FOXJ3: variants seen among roughly 807,000 people sequenced by gnomAD.
FOXJ3 encodes forkhead box J3.
In FOXJ3, 22 loss-of-function variants were observed where a neutral mutation model predicts 76.1. That is an observed-to-expected ratio of 0.29 (90% CI 0.21 to 0.41). The LOEUF (loss-of-function observed/expected upper bound fraction) is 0.41. Ranked by LOEUF, FOXJ3 falls within the 10% of genes least tolerant of loss-of-function variation. The pLI, the probability that FOXJ3 is intolerant of heterozygous loss-of-function variation, is 1.00. For synonymous variants in FOXJ3, 269 were observed against 261.2 expected, an observed-to-expected ratio of 1.03 and a Z score of -0.29; for missense variants, 613 against 762.1, an observed-to-expected ratio of 0.80 and a Z score of 2.30.
At position 42,188,865 on chromosome 1, in the gene FOXJ3, G is replaced by A. The variant is rs764603974; in HGVS notation, c.1517C>T (p.Ala506Val). Residue 506 changes from alanine (A) to valine (V), a missense_variant, in exon 11 of 13, where the codon GCC becomes GTC. Ala to Val is a moderately conservative substitution (Grantham distance 64, BLOSUM62 0). This residue lies in a region of FOXJ3 where 526 missense variants were observed against 601.4 expected (regional missense o/e 0.87). Transcript: ENST00000361346. ...CTGATTAAGAGAAGAACAAAGATCG[G>A]CAAACTGAACCTGGTCTAAAGACCA... is the stretch of plus-strand genomic sequence containing the variant. ...KNWSLDQVQF[A>V]DLCSSLNQFF... 1.2e-6 allele frequency: 2 copies of A among 1,612,924 alleles called. No individual in the cohort carries two copies. The highest frequency in any genetic ancestry group is 1.1e-5 in the South Asian group (1 of 91,000).
chr1:42,180,615 T>A (rs568931551), intron 12 of FOXJ3, among the ~76,000 whole-genome samples: 1 of 152,348 alleles, frequency 6.6e-6, no homozygotes, highest in African/African-American at 2.4e-5. Context: ...AAATTTCAAG[T>A]AGTCTGCTAC....
intron 2 of FOXJ3, among the ~76,000 whole-genome samples, chr1:42,285,546 A>C (rs1367632860): frequency 6.6e-6 from 1 of 152,192 alleles, no homozygotes; most frequent in East Asian, 1.9e-4. Flanking sequence ...AAAGTCTCTT[A>C]AGTTTCTAAA....
rs1647709739 is a variant in FOXJ3, at chr1:42,227,941, T to C, written c.470A>G (p.Asn157Ser). Reference protein sequence around the residue: ...GKGSYWAIDTNPKEDVLPTRP... With the variant: ...GKGSYWAIDTSPKEDVLPTRP... The stretch of plus-strand genomic sequence containing the variant: ...AGTAGGCAGCACATCTTCCTTCGGA[T>C]TGGTGTCTATTGCCCAGTAGGACCC... Residue 157 changes from asparagine (N) to serine (S), a missense_variant, in exon 5 of 13, where the codon AAT (asparagine) becomes AGT (serine). This residue lies in a region of FOXJ3 where 526 missense variants were observed against 601.4 expected (regional missense o/e 0.87). Transcript: ENST00000361346. The C allele has an allele frequency of 1.3e-6, 2 of 1,571,600 alleles. No individual in the cohort carries two copies. The highest frequency in any genetic ancestry group is 1.3e-5 in the African/African-American group (1 of 74,650).
intron 8 of FOXJ3, among the ~76,000 whole-genome samples, chr1:42,194,430 G>A (rs1033795471): frequency 1.3e-5 from 2 of 152,184 alleles, no homozygotes; most frequent in African/African-American, 4.8e-5. Flanking sequence ...AGTAGCTGAT[G>A]TATTCACTTC....
intron 2 of FOXJ3, among the ~76,000 whole-genome samples, chr1:42,301,345 G>A (rs1288863178): frequency 1.3e-5 from 2 of 151,794 alleles, no homozygotes; most frequent in Non-Finnish European, 2.9e-5. Context: ...ACAGTCACAC[G>A]CCACAATGCC....
At chr1:42,205,981 T>C in intron 5 of FOXJ3, 118 bp from the exon 6 acceptor site, 2 of 620,572 alleles carry the variant, frequency 3.2e-6, no homozygotes, top group South Asian at 4.4e-5. Context: ...TTTCTGAAAA[T>C]GAATTTAAAT....
At chr1:42,290,427 T>C (rs1018097199) in intron 2 of FOXJ3, among the ~76,000 whole-genome samples, 1 of 152,076 alleles carries the variant, frequency 6.6e-6, no homozygotes, top group Admixed American at 6.5e-5. Flanking sequence ...ATTCCATGCA[T>C]GGTATGAAAA....
chr1:42,237,409 T>TAC (rs1648749605), intron 4 of FOXJ3, among the ~76,000 whole-genome samples: 2 of 19,588 alleles, frequency 1.0e-4, no homozygotes, highest in African/African-American at 1.9e-4. Context: ...TACATACATA[T>TAC]ATATATATAT....
chr1:42,255,855 T>C (rs1315135393), intron 4 of FOXJ3, among the ~76,000 whole-genome samples: 5 of 152,080 alleles, frequency 3.3e-5, no homozygotes, highest in African/African-American at 1.2e-4. Flanking sequence ...ACCCCGTCTC[T>C]ACTAAAAAAT....
At chr1:42,310,023 ATAT>A (rs1354463604) in intron 2 of FOXJ3, among the ~76,000 whole-genome samples, 1 of 152,214 alleles carries the variant, frequency 6.6e-6, no homozygotes, top group Non-Finnish European at 1.5e-5. Flanking sequence ...AGAAATCTAG[ATAT>A]TATGTTTTTA....
intron 2 of FOXJ3, among the ~76,000 whole-genome samples, chr1:42,295,511 A>G (rs976011260): frequency 1.4e-5 from 2 of 147,490 alleles, no homozygotes; most frequent in Non-Finnish European, 3.0e-5. Context: ...GAACATGACT[A>G]CAAGTGTCTT....
chr1:42,285,032 AAAGT>A (rs1390253619), intron 2 of FOXJ3, among the ~76,000 whole-genome samples: 1 of 152,332 alleles, frequency 6.6e-6, no homozygotes, highest in Non-Finnish European at 1.5e-5. Flanking sequence ...ACTATGTCAC[AAAGT>A]TAGTATTTTG....
Position 42,261,205 on chromosome 1 carries a change from A to T in FOXJ3, c.444+3910T>A, listed in dbSNP as rs527508057. ...ATAAGACTTATAACCCAAAGAATTT[A>T]AAAAAAAAAAGACAAATATAGAGAA... On this transcript the variant is annotated intron_variant, in intron 4 of 12. Coordinates refer to ENST00000361346, the MANE Select transcript of FOXJ3 (RefSeq NM_014947.5). Among the ~76,000 whole-genome samples the T allele has an allele frequency of 9.1e-4, 133 of 145,762 alleles. 3 individuals are homozygous for T. The South Asian group carries it at 0.017, about 19-fold the overall frequency.
chr1:42,214,377 T>C (rs1030985905), intron 5 of FOXJ3, among the ~76,000 whole-genome samples: 1 of 152,134 alleles, frequency 6.6e-6, no homozygotes, highest in African/African-American at 2.4e-5. Context: ...AAAATGTATT[T>C]GGATAATTTA....
chr1:42,235,562 G>GT (rs917660032), intron 4 of FOXJ3, among the ~76,000 whole-genome samples: 20 of 138,192 alleles, frequency 1.4e-4, no homozygotes, highest in African/African-American at 4.5e-4. Flanking sequence ...TTTTTTTTGT[G>GT]TTTTTTTGTT....
intron 1 of FOXJ3, among the ~76,000 whole-genome samples, chr1:42,313,930 C>T (rs1654958125): frequency 6.6e-6 from 1 of 152,180 alleles, no homozygotes; most frequent in Non-Finnish European, 1.5e-5. Flanking sequence ...GATCAATCTC[C>T]TAATCTCCAA....
At chr1:42,281,179 G>A (rs1238009337) in intron 2 of FOXJ3, among the ~76,000 whole-genome samples, 2 of 146,250 alleles carry the variant, frequency 1.4e-5, no homozygotes, top group Non-Finnish European at 3.0e-5. Flanking sequence ...AATTATACAT[G>A]TGTAAAGAGC....
At chr1:42,250,287 G>A (rs1384011012) in intron 4 of FOXJ3, among the ~76,000 whole-genome samples, 1 of 152,250 alleles carries the variant, frequency 6.6e-6, no homozygotes, top group African/African-American at 2.4e-5. Flanking sequence ...CAGTGATGAC[G>A]GAAGGAATCA....
chr1:42,310,270 C>T (rs1377244028), intron 2 of FOXJ3, among the ~76,000 whole-genome samples: 3 of 151,458 alleles, frequency 2.0e-5, no homozygotes, highest in South Asian at 2.1e-4. Context: ...CTCAGCCTCC[C>T]GAGTAGCTGG....
Sources: allele counts gnomAD v4.1 joint callset (sites outside exome capture counted in the v4.1 genomes callset), GRCh38; gene constraint gnomAD v4.1.1; regional missense constraint gnomAD v4.1.1; transcripts MANE v1.5; gene names NCBI Gene and HGNC (gene_info 2026-07-23, HGNC 2026-07-21).